The following KIAA1549 variants were observed in gnomAD, a reference collection of about 807,000 sequenced individuals.
KIAA1549 encodes KIAA1549.
A neutral mutation model predicts 156.4 loss-of-function variants in KIAA1549; 70 were observed. The ratio of observed to expected loss-of-function variants is 0.45; its 90% confidence interval spans 0.37 to 0.55. The LOEUF (loss-of-function observed/expected upper bound fraction) is 0.55. KIAA1549 is among the 20% of genes least tolerant of loss of function. KIAA1549 has a pLI of 0.00. For missense variants in KIAA1549, 2,428 were observed against 2,540.9 expected (o/e 0.96, Z 0.96); for synonymous variants, 1,103 against 1,066.4 (o/e 1.03, Z -0.67).
rs779710432 is a variant in KIAA1549 at position 138,833,690 on chromosome 7, T to C, written c.*4216A>G. ...ACAGATACATAGACAGACAGACAGA[T>C]AGATAACCCACTATGCTCCACAAAG... On this transcript the variant is annotated 3_prime_UTR_variant, in exon 20 of 20. Transcript: ENST00000422774. 88 of 231,632 alleles carry C rather than the reference T, an allele frequency of 3.8e-4. No homozygotes were observed. Among genetic ancestry groups the C allele is most frequent in the African/African-American group, 1.7e-3 (77 of 45,214 alleles). The allele number at this position is 231,632 out of a possible 1,614,324, so 14.3% of individuals were successfully genotyped here.
intron 1 of KIAA1549, among the ~76,000 whole-genome samples, chr7:138,967,286 A>G (rs2130566215): frequency 6.6e-6 from 1 of 152,304 alleles, no homozygotes; most frequent in Middle Eastern, 3.4e-3. Context: ...ATGAAGAAAA[A>G]AAGCAAGCAG....
chr7:138,920,171 C>CA (rs1458239429), intron 1 of KIAA1549, among the ~76,000 whole-genome samples: 1 of 45,852 alleles, frequency 2.2e-5, no homozygotes, highest in African/African-American at 7.4e-4. Flanking sequence ...GAATGCCCTT[C>CA]CCAGCTCTCT....
At position 138,918,138 on chromosome 7, in the gene KIAA1549, T is replaced by C. The variant is rs780071748; in HGVS notation, c.1488A>G (p.Arg496=). ...CACTCGTCTCTGAGATTTCCATGGA[T>C]CTAGAAGAAAGTGGGACGATAGGTC... ...PSRPIVPLSS[R]SMEISETSVG... is the part of the protein sequence containing the mutation. Residue 496 remains arginine, a synonymous_variant, in exon 2 of 20, where the codon AGA becomes AGG. Transcript: ENST00000422774. The surrounding 1 kb of genome is among the most constrained non-coding windows in gnomAD (Gnocchi z 4.2). 4 of 1,613,930 alleles carry C rather than the reference T, an allele frequency of 2.5e-6. No individual in the cohort carries two copies. The highest frequency in any genetic ancestry group is 3.4e-6 in the Non-Finnish European group (4 of 1,179,876).
At position 138,944,664 on chromosome 7, in the gene KIAA1549, G is replaced by GA. The variant is rs535147034; in HGVS notation, c.188-25227dup. Among the ~76,000 whole-genome samples the GA allele has an allele frequency of 4.6e-3, 656 of 142,236 alleles. 6 individuals carry two copies. The highest frequency in any genetic ancestry group is 0.014 in the African/African-American group (552 of 38,848). The allele number at this position is 142,236 out of a possible 152,430, so 93.3% of individuals were successfully genotyped here. A position where few individuals can be genotyped will look rare whatever the true frequency, so the allele number is the denominator to read the frequency against. ...CCAAATGTCCACCAACTAATGAATG[G>GA]AAAAAAAAAAAGGTGATATATCCAT... On this transcript the variant is annotated intron_variant, in intron 1 of 19. Coordinates refer to ENST00000422774, the MANE Select transcript of KIAA1549 (RefSeq NM_001164665.2).
At chr7:138,920,454 A>G (rs1202267467) in intron 1 of KIAA1549, among the ~76,000 whole-genome samples, 4 of 148,370 alleles carry the variant, frequency 2.7e-5, no homozygotes, top group Non-Finnish European at 6.0e-5. Flanking sequence ...CTCAATTGAC[A>G]TCACTTGGAT....
chr7:138,859,574 C>T (rs1199760000), intron 16 of KIAA1549, among the ~76,000 whole-genome samples: 1 of 152,148 alleles, frequency 6.6e-6, no homozygotes, highest in Non-Finnish European at 1.5e-5. Flanking sequence ...ACTCCAGCTG[C>T]CTTTTCCTCC....
At chr7:138,971,748 G>C (rs776892843) in intron 1 of KIAA1549, among the ~76,000 whole-genome samples, 1 of 152,086 alleles carries the variant, frequency 6.6e-6, no homozygotes, top group Non-Finnish European at 1.5e-5. Flanking sequence ...CCCTTCTCTT[G>C]CTGGAAAGAT....
intron 16 of KIAA1549, among the ~76,000 whole-genome samples, chr7:138,859,721 C>T (rs1461232670): frequency 6.6e-6 from 1 of 152,174 alleles, no homozygotes; most frequent in African/African-American, 2.4e-5. Context: ...CTCATTGACC[C>T]CTGTCCTTTC....
chr7:138,844,241 T>C, intron 18 of KIAA1549, 76 bp downstream of exon 18: 2 of 1,547,446 alleles, frequency 1.3e-6, no homozygotes, highest in Non-Finnish European at 8.9e-7. Flanking sequence ...ACTGACACTC[T>C]GAGACACCTA....
intron 1 of KIAA1549, among the ~76,000 whole-genome samples, chr7:138,971,662 C>T (rs1373098431): frequency 6.6e-6 from 1 of 152,098 alleles, no homozygotes; most frequent in African/African-American, 2.4e-5. Flanking sequence ...AACCCACCCC[C>T]TAGGGTTGAG....
At position 138,836,540 on chromosome 7, in the gene KIAA1549, G is replaced by A. The variant is rs1307377716; in HGVS notation, c.*1366C>T. ...ACAGGTTAATAGTGAAAATCTCTTA[G>A]CTAAGCCTGCTTTTCTTCTGAGTTT... On this transcript the variant is annotated 3_prime_UTR_variant, in exon 20 of 20. Transcript: ENST00000422774. 4 of 216,636 alleles carry A rather than the reference G, an allele frequency of 1.8e-5. No homozygotes were observed. The highest frequency in any genetic ancestry group is 3.7e-5 in the Non-Finnish European group (4 of 107,734). The allele number at this position is 216,636 out of a possible 1,614,324, so 13.4% of individuals were successfully genotyped here.
intron 2 of KIAA1549, among the ~76,000 whole-genome samples, chr7:138,915,136 A>C (rs1812281334): frequency 6.6e-6 from 1 of 152,166 alleles, no homozygotes; most frequent in Non-Finnish European, 1.5e-5. Context: ...AGCCATGATG[A>C]CAGTCTCCTC....
intron 10 of KIAA1549, among the ~76,000 whole-genome samples, chr7:138,890,274 T>C (rs1268727815): frequency 6.6e-6 from 1 of 152,200 alleles, no homozygotes; most frequent in Non-Finnish European, 1.5e-5. Flanking sequence ...CAAAACGCAG[T>C]GAAGCCCACA....
At chr7:138,852,130 C>G in intron 17 of KIAA1549, 93 bp downstream of exon 17, 1 of 782,440 alleles carries the variant, frequency 1.3e-6, no homozygotes, top group Non-Finnish European at 2.1e-6. Flanking sequence ...AGTTTTACAT[C>G]TGCTCATATT....
chr7:138,833,715 G>C lies in KIAA1549; in HGVS notation c.*4191C>G, dbSNP rs969683387. 2.1e-5 allele frequency: 5 copies of C among 232,924 alleles called. No individual in the cohort carries two copies. In the Admixed American group the frequency reaches 2.8e-4, roughly 13 times the overall value. The allele number at this position is 232,924 out of a possible 1,614,324, so 14.4% of individuals were successfully genotyped here. ...TAGATAACCCACTATGCTCCACAAA[G>C]GATATGGCGTGGCCAAACGGCTGCT... On this transcript the variant is annotated 3_prime_UTR_variant, in exon 20 of 20. Coordinates refer to ENST00000422774, the MANE Select transcript of KIAA1549 (RefSeq NM_001164665.2).
intron 1 of KIAA1549, among the ~76,000 whole-genome samples, chr7:138,939,800 G>A (rs1312793222): frequency 6.6e-6 from 1 of 152,214 alleles, no homozygotes. Flanking sequence ...GATGATCACT[G>A]CCTCCATCCA....
At chr7:138,953,906 G>A (rs1354065319) in intron 1 of KIAA1549, among the ~76,000 whole-genome samples, 1 of 152,056 alleles carries the variant, frequency 6.6e-6, no homozygotes, top group East Asian at 1.9e-4. Context: ...TGGTACGTAC[G>A]GTTTAAATGG....
At chr7:138,900,772 C>G (rs1811819984) in intron 8 of KIAA1549, among the ~76,000 whole-genome samples, 1 of 152,242 alleles carries the variant, frequency 6.6e-6, no homozygotes, top group South Asian at 2.1e-4. Flanking sequence ...CTCTCGCTTC[C>G]TCTCTCGCCA....
At chr7:138,872,257 CT>C (rs1415485696) in intron 12 of KIAA1549, among the ~76,000 whole-genome samples, 2 of 151,412 alleles carry the variant, frequency 1.3e-5, no homozygotes, top group Non-Finnish European at 2.9e-5. Context: ...CTAGTTCCTA[CT>C]TTAAAAACAG....
Sources: allele counts gnomAD v4.1 joint callset (sites outside exome capture counted in the v4.1 genomes callset), GRCh38; gene constraint gnomAD v4.1.1; non-coding constraint Gnocchi (gnomAD v3.1); transcripts MANE v1.5; gene names NCBI Gene and HGNC (gene_info 2026-07-23, HGNC 2026-07-21).